HSF1: variants seen among roughly 807,000 people sequenced by gnomAD.
The protein encoded by HSF1 is heat shock transcription factor 1.
In HSF1, 32 loss-of-function variants were observed where a neutral mutation model predicts 51.7. The observed-to-expected ratio is 0.62, with a 90% confidence interval of 0.47 to 0.83. The LOEUF (loss-of-function observed/expected upper bound fraction) is 0.83, where lower values mean the gene tolerates loss of function less well. Ranked by LOEUF, HSF1 falls within the 40% of genes least tolerant of loss-of-function variation. The pLI, the probability that HSF1 is intolerant of heterozygous loss-of-function variation, is 0.00. For synonymous variants in HSF1, 396 were observed against 309.7 expected, an observed-to-expected ratio of 1.28 and a Z score of -2.92; for missense variants, 727 against 717.0, an observed-to-expected ratio of 1.01 and a Z score of -0.16.
At chr8:144,298,474 G>A (rs1815627745) in intron 1 of HSF1, among the ~76,000 whole-genome samples, 2 of 151,384 alleles carry the variant, frequency 1.3e-5, no homozygotes, top group African/African-American at 4.8e-5. Context: ...GCGTGGTGGT[G>A]CGTGCCTGTA....
intron 3 of HSF1, 68 bp downstream of exon 3, chr8:144,309,659 A>AGGG: frequency 9.0e-7 from 1 of 1,106,638 alleles, no homozygotes; most frequent in East Asian, 4.3e-5. Flanking sequence ...CCCCTCCCTG[A>AGGG]GGGCTCCCAC....
At chr8:144,309,344 C>T (rs1816441345) in intron 2 of HSF1, 111 bp from the exon 3 acceptor site, 11 of 1,468,674 alleles carry the variant, frequency 7.5e-6, no homozygotes, top group Non-Finnish European at 5.6e-6. Flanking sequence ...GGGGGCAGGG[C>T]AGGGTCTGAC....
chr8:144,294,925 G>A (rs1317293876), intron 1 of HSF1, among the ~76,000 whole-genome samples: 2 of 152,242 alleles, frequency 1.3e-5, no homozygotes, highest in Non-Finnish European at 2.9e-5. Flanking sequence ...GGGCGTGCAC[G>A]TGGGTGGTCC....
At chr8:144,303,106 C>T (rs1554842694) in intron 1 of HSF1, among the ~76,000 whole-genome samples, 1 of 152,036 alleles carries the variant, frequency 6.6e-6, no homozygotes, top group African/African-American at 2.4e-5. Flanking sequence ...AGCAGTTCTG[C>T]TTTGGTTATT....
chr8:144,294,204 C>T (rs1351762388), intron 1 of HSF1, among the ~76,000 whole-genome samples: 4 of 152,158 alleles, frequency 2.6e-5, no homozygotes, highest in East Asian at 1.9e-4. Context: ...TTCTCCAGGC[C>T]GCGCAGGGGG....
intron 4 of HSF1, 37 bp downstream of exon 4, chr8:144,309,933 CCT>C: frequency 1.3e-6 from 2 of 1,523,136 alleles, no homozygotes; most frequent in Non-Finnish European, 1.8e-6. Context: ...CACAGCGGGT[CCT>C]GGCGCCCACC....
chr8:144,308,427 G>A (rs1216546132), intron 1 of HSF1, among the ~76,000 whole-genome samples: 5 of 152,364 alleles, frequency 3.3e-5, no homozygotes, highest in South Asian at 2.1e-4. Context: ...TTCTGAACGC[G>A]ACTGTGTTTT....
chr8:144,306,931 G>T (rs1259511565), intron 1 of HSF1, among the ~76,000 whole-genome samples: 1 of 152,352 alleles, frequency 6.6e-6, no homozygotes, highest in East Asian at 1.9e-4. Flanking sequence ...GTGTGTGTGT[G>T]TGTGTGTTGG....
intron 1 of HSF1, among the ~76,000 whole-genome samples, chr8:144,302,736 C>G (rs1056820166): frequency 1.1e-4 from 16 of 151,816 alleles, no homozygotes; most frequent in African/African-American, 3.6e-4. Flanking sequence ...GTGGGAGGAT[C>G]TCTTGATCCC....
intron 2 of HSF1, 52 bp downstream of exon 2, chr8:144,309,066 G>A (rs1463521926): frequency 7.4e-7 from 1 of 1,355,374 alleles, no homozygotes; most frequent in Non-Finnish European, 1.1e-6. Context: ...ACCTGCAGAT[G>A]GCGGGACCCC....
At chr8:144,310,823 A>G (rs1816586554) in intron 4 of HSF1, 1 of 339,838 alleles carries the variant, frequency 2.9e-6, no homozygotes, top group Non-Finnish European at 5.6e-6. Flanking sequence ...CTGGCTGCTC[A>G]GGCCTTGGAA....
At chr8:144,298,782 G>A (rs916118398) in intron 1 of HSF1, among the ~76,000 whole-genome samples, 10 of 152,186 alleles carry the variant, frequency 6.6e-5, no homozygotes, top group African/African-American at 1.9e-4. Flanking sequence ...AAGGAGTTAC[G>A]CCCAAAACAA....
Position 144,291,793 on chromosome 8 carries a change from C to A in HSF1, c.36C>A (p.Pro12=). 1 of 1,546,162 alleles carries A rather than the reference C, an allele frequency of 6.5e-7. No individual in the cohort carries two copies. Among genetic ancestry groups the A allele is most frequent in the Non-Finnish European group, 8.7e-7 (1 of 1,151,270 alleles). Residue 12 remains proline, a synonymous_variant, in exon 1 of 13, where the codon CCC becomes CCA. Coordinates refer to ENST00000528838, the MANE Select transcript of HSF1 (RefSeq NM_005526.4). The surrounding 1 kb of genome is among the most constrained non-coding windows in gnomAD (Gnocchi z 4.1). ...CCGTGGGCCCCGGCGCGGCGGGGCC[C>A]AGCAACGTCCCGGCCTTCCTGACCA... ...DLPVGPGAAG[P]SNVPAFLTKL...
chr8:144,294,851 A>G (rs1402074979), intron 1 of HSF1, among the ~76,000 whole-genome samples: 1 of 150,472 alleles, frequency 6.6e-6, no homozygotes, highest in Non-Finnish European at 1.5e-5. Flanking sequence ...GGAGGACAGC[A>G]CAGCCTTGGA....
chr8:144,308,150 C>T (rs1456981346), intron 1 of HSF1, among the ~76,000 whole-genome samples: 1 of 152,224 alleles, frequency 6.6e-6, no homozygotes, highest in Non-Finnish European at 1.5e-5. Flanking sequence ...CTGAGTCAGC[C>T]GCCCCTTCCT....
chr8:144,295,300 A>G (rs1815380071), intron 1 of HSF1, among the ~76,000 whole-genome samples: 1 of 152,232 alleles, frequency 6.6e-6, no homozygotes, highest in African/African-American at 2.4e-5. Context: ...CCAGTTTTTT[A>G]CAAGCTATGA....
intron 1 of HSF1, among the ~76,000 whole-genome samples, chr8:144,294,833 C>G (rs1356933717): frequency 6.6e-6 from 1 of 152,114 alleles, no homozygotes; most frequent in African/African-American, 2.4e-5. Context: ...GGGGACCCAG[C>G]AAGTCGTGGA....
chr8:144,314,113 C>T lies in HSF1; in HGVS notation c.1385-12C>T. On this transcript the variant is annotated splice_polypyrimidine_tract_variant and intron_variant, in intron 12 of 12. Coordinates refer to ENST00000528838, the MANE Select transcript of HSF1 (RefSeq NM_005526.4). ...CCAACCCCCCACCGCCTTGACACCC[C>T]CACCCCCGCAGGGAAGCAGCTGGTG... 6.5e-7 allele frequency: 1 copy of T among 1,543,332 alleles called. No homozygotes were observed.
intron 1 of HSF1, among the ~76,000 whole-genome samples, chr8:144,305,562 A>G (rs1816153033): frequency 1.3e-5 from 2 of 152,016 alleles, no homozygotes; most frequent in South Asian, 4.1e-4. Context: ...TGGCCTCCCA[A>G]AGTGCTGAGA....
Sources: allele counts gnomAD v4.1 joint callset (sites outside exome capture counted in the v4.1 genomes callset), GRCh38; gene constraint gnomAD v4.1.1; non-coding constraint Gnocchi (gnomAD v3.1); transcripts MANE v1.5; gene names NCBI Gene and HGNC (gene_info 2026-07-23, HGNC 2026-07-21).